Variants in AGBL1 observed in about 807,000 individuals in gnomAD.
AGBL1 encodes AGBL carboxypeptidase 1.
A neutral mutation model predicts 118.9 loss-of-function variants in AGBL1; 130 were observed. The ratio of observed to expected loss-of-function variants is 1.09; its 90% CI spans 0.95 to 1.26. The LOEUF is 1.26. AGBL1 is among the 50% of genes most tolerant of loss of function. The pLI, the probability that AGBL1 is intolerant of heterozygous loss-of-function variation, is 0.00. For missense variants in AGBL1, 1,584 were observed against 1,298.1 expected (o/e 1.22, Z -3.38); for synonymous variants, 555 against 478.9 (o/e 1.16, Z -2.08).
intron 21 of AGBL1, among the ~76,000 whole-genome samples, chr15:86,670,920 AGAGAGGGTTGTACTG>A (rs1390107542): frequency 6.6e-6 from 1 of 151,888 alleles, no homozygotes; most frequent in Non-Finnish European, 1.5e-5. Context: ...TGTTTAAATC[AGAGAGGGTTGTACTG>A]GTTAGCTTTG....
intron 21 of AGBL1, among the ~76,000 whole-genome samples, chr15:86,571,435 C>T (rs2084004823): frequency 1.3e-5 from 2 of 152,102 alleles, no homozygotes; most frequent in Admixed American, 6.5e-5. Context: ...TCAGAGGGCC[C>T]ACAGTAGGCA....
At chr15:86,386,757 A>G (rs774167969) in intron 17 of AGBL1, among the ~76,000 whole-genome samples, 2 of 152,138 alleles carry the variant, frequency 1.3e-5, no homozygotes, top group Non-Finnish European at 2.9e-5. Flanking sequence ...CCTTCATAGT[A>G]CTTACATGAT....
Position 86,143,747 on chromosome 15 carries a change from C to G in AGBL1, c.164C>G (p.Ala55Gly). Residue 55 changes from alanine to glycine, a missense_variant, in exon 3 of 23, where the codon GCT (alanine) becomes GGT (glycine). Ala to Gly is a moderately conservative substitution (Grantham distance 60). Coordinates refer to ENST00000614907, the MANE Select transcript of AGBL1 (RefSeq NM_001386094.1). Reference protein sequence around the residue: ...HYMISKGGSEALLQTLVDTAR... With the variant: ...HYMISKGGSEGLLQTLVDTAR... ...ATGATCAGCAAGGGTGGCAGTGAAG[C>G]TCTTCTGCAGACCCTGGTAGACACA... 6.2e-7 allele frequency: 1 copy of G among 1,613,926 alleles called. No individual in the cohort carries two copies. The highest frequency in any genetic ancestry group is 1.1e-5 in the South Asian group (1 of 91,078).
At chr15:86,377,945 G>A (rs757452123) in intron 17 of AGBL1, among the ~76,000 whole-genome samples, 1 of 152,140 alleles carries the variant, frequency 6.6e-6, no homozygotes, top group Non-Finnish European at 1.5e-5. Flanking sequence ...CATGGTAGAA[G>A]AGAGACCATT....
intron 22 of AGBL1, among the ~76,000 whole-genome samples, chr15:86,773,053 G>A (rs72750012): frequency 0.028 from 4,207 of 152,086 alleles, 115 homozygotes; most frequent in South Asian, 0.15. Flanking sequence ...TGGATTTTTC[G>A]GAATCAAGGG....
At chr15:86,889,470 C>G (rs761819232) in intron 22 of AGBL1, among the ~76,000 whole-genome samples, 15 of 152,008 alleles carry the variant, frequency 9.9e-5, no homozygotes, top group Admixed American at 5.9e-4. Context: ...TGGTGGTTTG[C>G]TGCACAGATC....
At chr15:86,582,793 T>A (rs2084188729) in intron 21 of AGBL1, among the ~76,000 whole-genome samples, 1 of 143,602 alleles carries the variant, frequency 7.0e-6, no homozygotes, top group African/African-American at 2.6e-5. Context: ...TTCTCACTCA[T>A]AGGTGGGAAT....
At chr15:86,298,628 T>A (rs1272203449) in intron 17 of AGBL1, among the ~76,000 whole-genome samples, 1 of 152,056 alleles carries the variant, frequency 6.6e-6, no homozygotes, top group Non-Finnish European at 1.5e-5. Flanking sequence ...GATTAAATTG[T>A]TTTACCTGCT....
chr15:86,962,374 T>G (rs2081001509), intron 23 of AGBL1, among the ~76,000 whole-genome samples: 1 of 152,090 alleles, frequency 6.6e-6, no homozygotes, highest in African/African-American at 2.4e-5. Flanking sequence ...CATTTTTTAT[T>G]ATCATTCACA....
At chr15:86,789,594 A>T (rs750295598) in intron 22 of AGBL1, among the ~76,000 whole-genome samples, 3 of 152,170 alleles carry the variant, frequency 2.0e-5, no homozygotes, top group Non-Finnish European at 4.4e-5. Flanking sequence ...ATCCAGGTCT[A>T]AGTAAAACTG....
At chr15:86,785,194 A>G (rs988078261) in intron 22 of AGBL1, among the ~76,000 whole-genome samples, 3 of 151,938 alleles carry the variant, frequency 2.0e-5, no homozygotes, top group African/African-American at 7.3e-5. Context: ...GCACATCCAG[A>G]TAGCACTTAG....
rs187118838 is a variant in AGBL1 at position 86,710,389 on chromosome 15, C to T, written c.3158+35953C>T. Reference sequence around the variant, plus strand: ...TGATTATAAAACTGCAAATAACATCCCATTATTTTTAAAATAATGAATGAC... The same window carrying T: ...TGATTATAAAACTGCAAATAACATCTCATTATTTTTAAAATAATGAATGAC... On this transcript the variant is annotated intron_variant, in intron 22 of 22. Coordinates refer to ENST00000614907, the MANE Select transcript of AGBL1 (RefSeq NM_001386094.1). Among the ~76,000 whole-genome samples, 465 of 152,118 alleles carry T rather than the reference C, an allele frequency of 3.1e-3. 3 individuals carry two copies. Among genetic ancestry groups the T allele is most frequent in the Middle Eastern group, 0.014 (4 of 294 alleles).
intron 22 of AGBL1, among the ~76,000 whole-genome samples, chr15:86,743,203 A>G (rs142869516): frequency 6.6e-6 from 1 of 152,202 alleles, no homozygotes; most frequent in East Asian, 1.9e-4. Context: ...TTAAGGTGTA[A>G]TTTACGTATC....
intron 7 of AGBL1, among the ~76,000 whole-genome samples, chr15:86,251,331 G>T (rs1466654797): frequency 6.6e-6 from 1 of 152,154 alleles, no homozygotes; most frequent in African/African-American, 2.4e-5. Context: ...GTCACCTGGA[G>T]GGGTCACTGA....
chr15:86,230,202 C>T (rs1171105772), intron 6 of AGBL1, among the ~76,000 whole-genome samples: 5 of 152,238 alleles, frequency 3.3e-5, no homozygotes, highest in African/African-American at 4.8e-5. Flanking sequence ...TGCTGAGAGC[C>T]GGATCAGGAA....
chr15:86,431,418 G>GCCT (rs2081934301), intron 18 of AGBL1, among the ~76,000 whole-genome samples: 2 of 152,158 alleles, frequency 1.3e-5, no homozygotes, highest in South Asian at 4.1e-4. Flanking sequence ...CACATAATAT[G>GCCT]GTGTCCACAA....
intron 6 of AGBL1, among the ~76,000 whole-genome samples, chr15:86,237,059 T>A (rs2078563523): frequency 6.6e-6 from 1 of 151,422 alleles, no homozygotes; most frequent in Non-Finnish European, 1.5e-5. Context: ...CATTTGCATA[T>A]CAAAGCTGGC....
At chr15:86,740,520 C>G (rs1053542391) in intron 22 of AGBL1, among the ~76,000 whole-genome samples, 1 of 152,108 alleles carries the variant, frequency 6.6e-6, no homozygotes, top group Non-Finnish European at 1.5e-5. Context: ...CCAAAATTGT[C>G]CCTGATTTTA....
intron 6 of AGBL1, among the ~76,000 whole-genome samples, chr15:86,237,749 A>G (rs550702733): frequency 2.6e-5 from 4 of 152,244 alleles, no homozygotes; most frequent in East Asian, 3.9e-4. Flanking sequence ...TCTTGCAGAG[A>G]TGCAAAAACA....
Sources: allele counts gnomAD v4.1 joint callset (sites outside exome capture counted in the v4.1 genomes callset), GRCh38; gene constraint gnomAD v4.1.1; transcripts MANE v1.5; gene names NCBI Gene and HGNC (gene_info 2026-07-23, HGNC 2026-07-21).